Variants in DNA2 observed in about 807,000 individuals in gnomAD.
DNA2 encodes the protein DNA replication ATP-dependent helicase/nuclease DNA2.
In DNA2, 101 loss-of-function variants were observed where a neutral mutation model predicts 119.1. The observed-to-expected ratio is 0.85, with a 90% CI of 0.72 to 1.00. The LOEUF (loss-of-function observed/expected upper bound fraction) is 1.00, where lower values mean the gene tolerates loss of function less well. Among genes scored for constraint, DNA2 ranks in the 50% least tolerant of loss-of-function variants. The pLI is 0.00. For missense variants in DNA2, 1,121 were observed against 1,255.5 expected (o/e 0.89, Z 1.62); for synonymous variants, 366 against 424.4 (o/e 0.86, Z 1.69).
chr10:68,469,921 T>C, intron 2 of DNA2, 60 bp downstream of exon 2: 2 of 1,412,476 alleles, frequency 1.4e-6, no homozygotes, highest in Non-Finnish European at 1.9e-6. Flanking sequence ...AGCCATTTGA[T>C]GAGTTTTACG....
intron 5 of DNA2, among the ~76,000 whole-genome samples, chr10:68,452,737 ATTTTTTTTTTTT>A (rs35788452): frequency 5.5e-5 from 5 of 90,144 alleles, no homozygotes; most frequent in East Asian, 3.3e-4. Context: ...ACGCCCAGCT[ATTTTTTTTTTTT>A]TTTTTTTTTT....
chr10:68,472,037 C>T, upstream of DNA2: 1 of 1,605,206 alleles, frequency 6.2e-7, no homozygotes. Flanking sequence ...CGGCGCGTTC[C>T]ACGTGGGGCC....
chr10:68,418,484 A>C (rs1310214139), intron 19 of DNA2, among the ~76,000 whole-genome samples: 1 of 151,826 alleles, frequency 6.6e-6, no homozygotes, highest in Admixed American at 6.6e-5. Flanking sequence ...TCTTTAAAAA[A>C]AAAAAAAACC....
At chr10:68,424,462 C>A (rs1231459191) in intron 14 of DNA2, 3 of 559,156 alleles carry the variant, frequency 5.4e-6, no homozygotes, top group East Asian at 6.4e-5. Context: ...CTTGATCATG[C>A]CACTGAACTC....
chr10:68,447,712 A>G (rs2052059968), intron 6 of DNA2, among the ~76,000 whole-genome samples: 1 of 151,236 alleles, frequency 6.6e-6, no homozygotes, highest in Non-Finnish European at 1.5e-5. Flanking sequence ...GGCCGGGCGC[A>G]GTGGTTCACG....
intron 6 of DNA2, 131 bp downstream of exon 6, chr10:68,449,897 C>T: frequency 1.6e-6 from 1 of 642,012 alleles, no homozygotes; most frequent in Non-Finnish European, 2.6e-6. Context: ...TGGCATGAAC[C>T]CAGGAGGCGG....
intron 3 of DNA2, among the ~76,000 whole-genome samples, chr10:68,466,520 T>A (rs1403251572): frequency 6.6e-6 from 1 of 151,728 alleles, no homozygotes; most frequent in Non-Finnish European, 1.5e-5. Context: ...TGGCAAGGAA[T>A]TTTTCTCCAC....
At chr10:68,424,794 G>A in intron 14 of DNA2, 1 of 1,212,744 alleles carries the variant, frequency 8.2e-7, no homozygotes, top group South Asian at 1.2e-5. Context: ...AAAGAAAGAT[G>A]TCATCTACAC....
Position 68,422,610 on chromosome 10 carries a change from A to G in DNA2, c.2403-6T>C. Reference sequence around the variant, plus strand: ...TTTCACTCATGCCAAGAGCTCTGTCAATAAATCAGATTCATGTTTATCAGT... The same window carrying G: ...TTTCACTCATGCCAAGAGCTCTGTCGATAAATCAGATTCATGTTTATCAGT... On this transcript the variant is annotated splice_polypyrimidine_tract_variant and splice_region_variant and intron_variant, in intron 15 of 20. Transcript: ENST00000358410. 1.9e-6 allele frequency: 3 copies of G among 1,613,968 alleles called. No individual in the cohort carries two copies. The highest frequency in any genetic ancestry group is 2.5e-6 in the Non-Finnish European group (3 of 1,179,828).
intron 19 of DNA2, among the ~76,000 whole-genome samples, chr10:68,417,068 A>AC (rs1325532484): frequency 7.9e-5 from 12 of 152,074 alleles, no homozygotes; most frequent in Non-Finnish European, 8.8e-5. Context: ...ACACAGTGAG[A>AC]CCCCATCTCT....
At chr10:68,439,667 G>A (rs746938563) in intron 9 of DNA2, among the ~76,000 whole-genome samples, 2 of 151,546 alleles carry the variant, frequency 1.3e-5, no homozygotes, top group South Asian at 2.1e-4. Flanking sequence ...GAGAAACCCC[G>A]TCTCTACTAA....
At chr10:68,454,253 TC>T (rs1254968863) in intron 5 of DNA2, among the ~76,000 whole-genome samples, 15 of 151,998 alleles carry the variant, frequency 9.9e-5, no homozygotes, top group Admixed American at 4.6e-4. Context: ...CCTGGTATAA[TC>T]CTTGGCACAC....
chr10:68,432,396 G>C lies in DNA2; in HGVS notation c.1761C>G (p.Val587=). 1.9e-6 allele frequency: 3 copies of C among 1,588,044 alleles called. No individual in the cohort carries two copies. Among genetic ancestry groups the C allele is most frequent in the Middle Eastern group, 1.7e-4 (1 of 6,022 alleles). ...NLSKLMENTF[V]SKKLRDLIID... ...CAAATTTGCTCATTGTTACAAACCTGACAAACGTGTTTTCCATCAATTTGG... is the reference window on the plus strand; with the variant it reads ...CAAATTTGCTCATTGTTACAAACCTCACAAACGTGTTTTCCATCAATTTGG... The change falls in exon 11 of 21, where the codon GTC becomes GTG. Residue 587 remains valine (V), a splice_region_variant and synonymous_variant. Transcript: ENST00000358410.
rs567748482 is a variant in DNA2 at position 68,459,239 on chromosome 10, C to A, written c.588-4G>T. 3.9e-6 allele frequency: 6 copies of A among 1,538,600 alleles called. No individual in the cohort carries two copies. The highest frequency in any genetic ancestry group is 1.4e-5 in the African/African-American group (1 of 72,514). On this transcript the variant is annotated splice_region_variant and splice_polypyrimidine_tract_variant and intron_variant, in intron 4 of 20. Transcript: ENST00000358410. Reference sequence around the variant, plus strand: ...TTGACTTAGATTTAAGCGGTACCTGCCAAAAATATAATAGTAAATAGACTT... The same window carrying A: ...TTGACTTAGATTTAAGCGGTACCTGACAAAAATATAATAGTAAATAGACTT...
chr10:68,421,944 A>T (rs978476750), intron 17 of DNA2, among the ~76,000 whole-genome samples: 1 of 151,700 alleles, frequency 6.6e-6, no homozygotes, highest in Non-Finnish European at 1.5e-5. Context: ...CCTCCTGAGT[A>T]GCTGGGATTA....
chr10:68,472,427 G>A (rs1326824777), upstream of DNA2, among the ~76,000 whole-genome samples: 6 of 152,034 alleles, frequency 3.9e-5, no homozygotes, highest in Non-Finnish European at 8.8e-5. Flanking sequence ...CCTTGATCAT[G>A]CCACGGCTAA....
chr10:68,423,827 A>G (rs2051698206), intron 14 of DNA2, among the ~76,000 whole-genome samples: 1 of 152,214 alleles, frequency 6.6e-6, no homozygotes, highest in Non-Finnish European at 1.5e-5. Context: ...TGGTCAAAGA[A>G]GGCTGAGTGG....
chr10:68,450,487 G>T (rs2052104272), intron 5 of DNA2, among the ~76,000 whole-genome samples: 1 of 152,162 alleles, frequency 6.6e-6, no homozygotes, highest in Non-Finnish European at 1.5e-5. Flanking sequence ...AACTCTAGGG[G>T]TGAGGCCTAG....
intron 5 of DNA2, among the ~76,000 whole-genome samples, chr10:68,452,813 G>A (rs2052137490): frequency 7.0e-6 from 1 of 143,066 alleles, no homozygotes; most frequent in Non-Finnish European, 1.5e-5. Flanking sequence ...CGAACTCCTG[G>A]TCTCAAGCAA....
Sources: allele counts gnomAD v4.1 joint callset (sites outside exome capture counted in the v4.1 genomes callset), GRCh38; gene constraint gnomAD v4.1.1; transcripts MANE v1.5; gene names NCBI Gene and HGNC (gene_info 2026-07-23, HGNC 2026-07-21).